Variants in DSCAML1 observed in about 807,000 individuals in gnomAD.
DSCAML1 encodes the protein DS cell adhesion molecule like 1.
DSCAML1 carries 38 observed loss-of-function variants against 200.5 expected under a neutral mutation model. The ratio of observed to expected loss-of-function variants is 0.19; its 90% CI spans 0.15 to 0.25. DSCAML1 has a LOEUF of 0.25. Among genes scored for constraint, DSCAML1 ranks in the 10% least tolerant of loss-of-function variants. DSCAML1 has a pLI of 1.00. For missense variants in DSCAML1, 2,223 were observed against 2,858.8 expected (o/e 0.78, Z 5.07); for synonymous variants, 1,215 against 1,165.0 (o/e 1.04, Z -0.87).
intron 3 of DSCAML1, among the ~76,000 whole-genome samples, chr11:117,661,685 C>T (rs765570442): frequency 2.0e-5 from 3 of 152,180 alleles, no homozygotes; most frequent in African/African-American, 4.8e-5. Flanking sequence ...AAGCATGACT[C>T]AGGGCACAGT....
chr11:117,686,604 A>C (rs549421251), intron 3 of DSCAML1, among the ~76,000 whole-genome samples: 1 of 152,190 alleles, frequency 6.6e-6, no homozygotes, highest in South Asian at 2.1e-4. Context: ...CTTGTGGCCA[A>C]TTTGGTCATA....
intron 3 of DSCAML1, among the ~76,000 whole-genome samples, chr11:117,554,382 TATTA>T (rs147913504): frequency 0.065 from 9,861 of 152,186 alleles, 467 homozygotes; most frequent in East Asian, 0.11. Context: ...ATTTATTATT[TATTA>T]TTTTTATTTT....
chr11:117,564,567 G>C (rs2050720594), intron 3 of DSCAML1, among the ~76,000 whole-genome samples: 1 of 152,104 alleles, frequency 6.6e-6, no homozygotes. Context: ...TGGTCCCTCT[G>C]CTGGGAGGCT....
chr11:117,811,964 G>C (rs907595090), intron 1 of DSCAML1, among the ~76,000 whole-genome samples: 1 of 152,006 alleles, frequency 6.6e-6, no homozygotes, highest in Non-Finnish European at 1.5e-5. Context: ...CCCCAACTCT[G>C]GTGCCAACTT....
chr11:117,524,376 C>T (rs1366022507), intron 5 of DSCAML1, among the ~76,000 whole-genome samples: 3 of 152,224 alleles, frequency 2.0e-5, no homozygotes, highest in Non-Finnish European at 2.9e-5. Context: ...TGTATGTCCT[C>T]TCTAGTGGAT....
chr11:117,571,135 G>A (rs1591278442), intron 3 of DSCAML1, among the ~76,000 whole-genome samples: 1 of 152,256 alleles, frequency 6.6e-6, no homozygotes, highest in African/African-American at 2.4e-5. Flanking sequence ...CGGGAGACCA[G>A]TGCTCCAGAG....
chr11:117,434,281 T>A (rs2047862205), intron 27 of DSCAML1, among the ~76,000 whole-genome samples: 1 of 152,090 alleles, frequency 6.6e-6, no homozygotes, highest in Non-Finnish European at 1.5e-5. Flanking sequence ...TAATTCATCA[T>A]CCACCTATTC....
Position 117,518,670 on chromosome 11 carries a change from G to T in DSCAML1, c.1306C>A (p.Pro436Thr). 1 of 1,613,352 alleles carries T rather than the reference G, an allele frequency of 6.2e-7. No homozygotes were observed. The highest frequency in any genetic ancestry group is 8.5e-7 in the Non-Finnish European group (1 of 1,179,960). Residue 436 changes from proline to threonine, a missense_variant, in exon 7 of 33, where the codon CCC becomes ACC. Transcript: ENST00000651296. The surrounding 1 kb of genome is among the most constrained non-coding windows in gnomAD (Gnocchi z 6.3). ...TCGAGGGCCCAGGTGACCGTGGGGG[G>T]CGGGGCGCCCTTGGCCGCACACATC... ...SLMCAAKGAP[P>T]PTVTWALDDE...
At chr11:117,464,694 G>A (rs1017703383) in intron 17 of DSCAML1, among the ~76,000 whole-genome samples, 1 of 152,200 alleles carries the variant, frequency 6.6e-6, no homozygotes. Flanking sequence ...AGGCCAACAG[G>A]TCAACAGAGA....
intron 3 of DSCAML1, among the ~76,000 whole-genome samples, chr11:117,732,631 C>G (rs1297239847): frequency 6.6e-6 from 1 of 152,120 alleles, no homozygotes; most frequent in Non-Finnish European, 1.5e-5. Flanking sequence ...CACCTCAAAC[C>G]CAGCCTCCGG....
In DSCAML1 at chr11:117,715,113, T is replaced by TAA. The variant is rs5795099; in HGVS notation, c.511+61676_511+61677dup. Among the ~76,000 whole-genome samples the TAA allele has an allele frequency of 2.8e-3, 424 of 149,444 alleles. 7 individuals carry two copies. The highest frequency in any genetic ancestry group is 9.3e-3 in the East Asian group (47 of 5,074). ...ATTTCGTCAGTTAAAAATAAGTCAT[T>TAA]AAAAAAAAAGAAAATGGAAACTATA... On this transcript the variant is annotated intron_variant, in intron 3 of 32. Transcript: ENST00000651296.
intron 3 of DSCAML1, among the ~76,000 whole-genome samples, chr11:117,741,154 T>G (rs1464213008): frequency 6.6e-6 from 1 of 152,242 alleles, no homozygotes; most frequent in African/African-American, 2.4e-5. Flanking sequence ...TTCCATAGTA[T>G]GGAGTTGTTG....
chr11:117,453,673 A>C (rs1214453468), intron 19 of DSCAML1, among the ~76,000 whole-genome samples: 2 of 151,472 alleles, frequency 1.3e-5, no homozygotes, highest in African/African-American at 4.8e-5. Context: ...GGTTGCTTTT[A>C]AGATCTCTCT....
At chr11:117,626,616 A>G (rs2052052026) in intron 3 of DSCAML1, among the ~76,000 whole-genome samples, 1 of 152,152 alleles carries the variant, frequency 6.6e-6, no homozygotes, top group Non-Finnish European at 1.5e-5. Flanking sequence ...TGGAACGGGC[A>G]TAGCACATCA....
chr11:117,796,140 G>A (rs2055568899), intron 1 of DSCAML1, among the ~76,000 whole-genome samples: 2 of 152,234 alleles, frequency 1.3e-5, no homozygotes, highest in Admixed American at 6.5e-5. Flanking sequence ...GGAAATGTCT[G>A]CCCTCTTCCA....
At chr11:117,636,898 A>C (rs1451512920) in intron 3 of DSCAML1, among the ~76,000 whole-genome samples, 2 of 152,138 alleles carry the variant, frequency 1.3e-5, no homozygotes, top group Non-Finnish European at 1.5e-5. Flanking sequence ...TGTTATTATT[A>C]ATATTATTAT....
intron 3 of DSCAML1, among the ~76,000 whole-genome samples, chr11:117,623,726 A>G (rs966999478): frequency 1.3e-5 from 2 of 152,186 alleles, no homozygotes; most frequent in African/African-American, 4.8e-5. Flanking sequence ...CCTCTAAAAG[A>G]CTTAGCCTGG....
chr11:117,507,466 T>G (rs1327431538), intron 8 of DSCAML1, among the ~76,000 whole-genome samples: 1 of 152,170 alleles, frequency 6.6e-6, no homozygotes, highest in Non-Finnish European at 1.5e-5. Flanking sequence ...CAGCCAGGTG[T>G]GGACACAGAA....
At chr11:117,655,886 G>A (rs771146931) in intron 3 of DSCAML1, among the ~76,000 whole-genome samples, 8 of 152,170 alleles carry the variant, frequency 5.3e-5, no homozygotes, top group Non-Finnish European at 8.8e-5. Flanking sequence ...AGAAAGCACC[G>A]CTAGTGCTGA....
Sources: gnomAD v4.1 joint callset for allele counts (sites outside exome capture counted in the v4.1 genomes callset) on GRCh38, gnomAD v4.1.1 for gene constraint, Gnocchi (gnomAD v3.1) non-coding constraint, MANE v1.5 for transcripts, NCBI Gene and HGNC (gene_info 2026-07-23, HGNC 2026-07-21) for gene names.